RIMBP2: variants seen among roughly 807,000 people sequenced by gnomAD.
RIMBP2 encodes the protein RIMS-binding protein 2.
RIMBP2 carries 48 observed loss-of-function variants against 118.6 expected under a neutral mutation model. The ratio of observed to expected loss-of-function variants is 0.40; its 90% CI spans 0.32 to 0.51. RIMBP2 has a LOEUF of 0.51. RIMBP2 is among the 20% of genes least tolerant of loss of function. The pLI, the probability that RIMBP2 is intolerant of heterozygous loss-of-function variation, is 0.41. For synonymous variants in RIMBP2, 762 were observed against 742.9 expected (o/e 1.03, Z -0.42); for missense variants, 1,551 against 1,768.3 (o/e 0.88, Z 2.20).
chr12:130,593,943 C>T (rs972021785), intron 2 of RIMBP2, among the ~76,000 whole-genome samples: 5 of 152,128 alleles, frequency 3.3e-5, no homozygotes, highest in African/African-American at 7.2e-5. Flanking sequence ...TGGTGGTTTG[C>T]GTTACAATGT....
intron 15 of RIMBP2, chr12:130,426,192 A>T (rs1221509672): frequency 6.6e-6 from 1 of 152,266 alleles, no homozygotes; most frequent in Non-Finnish European, 1.5e-5. Context: ...GCCACGTGAG[A>T]ACGTGTGCGC....
At chr12:130,645,564 T>A (rs117173226) in intron 1 of RIMBP2, among the ~76,000 whole-genome samples, 1 of 152,144 alleles carries the variant, frequency 6.6e-6, no homozygotes, top group Non-Finnish European at 1.5e-5. Flanking sequence ...AACTTTAGGA[T>A]TGGAGAAAGT....
chr12:130,613,088 G>A (rs1182994740), intron 2 of RIMBP2, among the ~76,000 whole-genome samples: 1 of 152,204 alleles, frequency 6.6e-6, no homozygotes, highest in Admixed American at 6.5e-5. Context: ...AGGATGACTA[G>A]GTGACATTTT....
Position 130,583,588 on chromosome 12 carries a change from TC to T in RIMBP2, c.-217+44733del, listed in dbSNP as rs555423897. Among the ~76,000 whole-genome samples the T allele has an allele frequency of 2.5e-3, 370 of 149,822 alleles. 1 individual carries two copies. Among genetic ancestry groups the T allele is most frequent in the Middle Eastern group, 7.1e-3 (2 of 280 alleles). On this transcript the variant is annotated intron_variant, in intron 2 of 22. Coordinates refer to ENST00000690449, the MANE Select transcript of RIMBP2 (RefSeq NM_001393629.1). Reference sequence around the variant, plus strand: ...CCACCATCACCTCATCACCGTTTCATCATCATCATTACCTTCATCACTAACA... The same window carrying T: ...CCACCATCACCTCATCACCGTTTCATATCATCATTACCTTCATCACTAACA...
chr12:130,503,045 G>C (rs2049950893), intron 4 of RIMBP2, among the ~76,000 whole-genome samples: 1 of 152,032 alleles, frequency 6.6e-6, no homozygotes, highest in Non-Finnish European at 1.5e-5. Flanking sequence ...AAATTCCATA[G>C]ACCAGGAATG....
chr12:130,521,692 G>A (rs193119542), intron 2 of RIMBP2, among the ~76,000 whole-genome samples: 1 of 152,294 alleles, frequency 6.6e-6, no homozygotes, highest in East Asian at 1.9e-4. Flanking sequence ...ACACTGCTGG[G>A]ACCCTGACGG....
intron 2 of RIMBP2, among the ~76,000 whole-genome samples, chr12:130,531,229 T>G: frequency 6.6e-6 from 1 of 152,156 alleles, no homozygotes; most frequent in East Asian, 1.9e-4. Flanking sequence ...AAATCATAGG[T>G]GTACAACTCC....
intron 1 of RIMBP2, among the ~76,000 whole-genome samples, chr12:130,680,297 G>A (rs925530435): frequency 1.3e-5 from 2 of 152,236 alleles, no homozygotes; most frequent in East Asian, 1.9e-4. Context: ...ATGGCGTTGA[G>A]GATGACTTGG....
intron 9 of RIMBP2, among the ~76,000 whole-genome samples, 160 bp from the exon 10 acceptor site, chr12:130,445,429 A>C (rs2078446730): frequency 6.6e-6 from 1 of 152,118 alleles, no homozygotes; most frequent in Non-Finnish European, 1.5e-5. Flanking sequence ...TGTACACTGG[A>C]AATTCAAGCC....
intron 2 of RIMBP2, among the ~76,000 whole-genome samples, chr12:130,535,718 CATAT>C (rs1305382717): frequency 2.4e-4 from 21 of 87,864 alleles, no homozygotes; most frequent in African/African-American, 7.3e-4. Flanking sequence ...TATACATATA[CATAT>C]ATATACATAT....
chr12:130,569,628 T>A (rs1440052409), intron 2 of RIMBP2, among the ~76,000 whole-genome samples: 1 of 152,216 alleles, frequency 6.6e-6, no homozygotes, highest in Non-Finnish European at 1.5e-5. Flanking sequence ...GGAGCTATTC[T>A]CCTGATAGTG....
In RIMBP2 at chr12:130,428,224, A is replaced by C; in HGVS notation, c.2367T>G (p.Asp789Glu). 1.2e-6 allele frequency: 2 copies of C among 1,613,050 alleles called. No homozygotes were observed. Among genetic ancestry groups the C allele is most frequent in the South Asian group, 2.2e-5 (2 of 90,836 alleles). The change falls in exon 15 of 23, where the codon GAT becomes GAG. Residue 789 changes from aspartate (D) to glutamate (E), a missense_variant. Asp to Glu is a conservative substitution (Grantham distance 45). Coordinates refer to ENST00000690449, the MANE Select transcript of RIMBP2 (RefSeq NM_001393629.1). ...TGCCGCTGGGCCGCCTCCTTCCCCC[A>C]TCTTCCAGCTGCATTTCAGAATACA... is the stretch of plus-strand genomic sequence containing the variant. ...EELYSEMQLE[D>E]GGRRRPSGTS...
chr12:130,414,101 C>T (rs377065206), intron 18 of RIMBP2, 24 bp downstream of exon 18: 31 of 1,613,024 alleles, frequency 1.9e-5, no homozygotes, highest in Non-Finnish European at 2.6e-5. Context: ...CTGATGAAGC[C>T]GCCCGCAGGC....
chr12:130,638,805 G>T (rs2141013121), intron 1 of RIMBP2, among the ~76,000 whole-genome samples: 1 of 152,232 alleles, frequency 6.6e-6, no homozygotes, highest in South Asian at 2.1e-4. Context: ...TGAGCAGCAG[G>T]GAGGGAATAA....
chr12:130,588,063 T>C (rs2059026872), intron 2 of RIMBP2, among the ~76,000 whole-genome samples: 1 of 152,092 alleles, frequency 6.6e-6, no homozygotes, highest in African/African-American at 2.4e-5. Flanking sequence ...TTCCTGCTCC[T>C]GAGCCTTGGA....
At chr12:130,489,671 C>A (rs1017585010) in intron 4 of RIMBP2, among the ~76,000 whole-genome samples, 1 of 152,184 alleles carries the variant, frequency 6.6e-6, no homozygotes, top group African/African-American at 2.4e-5. Flanking sequence ...GCCAGGTTCA[C>A]AATGCAGCCA....
intron 2 of RIMBP2, among the ~76,000 whole-genome samples, chr12:130,537,711 G>A (rs1471053748): frequency 6.6e-6 from 1 of 152,160 alleles, no homozygotes; most frequent in East Asian, 1.9e-4. Flanking sequence ...AAATTGCAAA[G>A]GAAACTCTCG....
intron 1 of RIMBP2, among the ~76,000 whole-genome samples, chr12:130,713,329 TCAC>T (rs1315013250): frequency 2.0e-5 from 3 of 151,284 alleles, no homozygotes; most frequent in South Asian, 4.2e-4. Flanking sequence ...GGCACCAGCA[TCAC>T]CAACAAGAGA....
At chr12:130,615,272 C>CATAT (rs1555309104) in intron 2 of RIMBP2, among the ~76,000 whole-genome samples, 9 of 38,790 alleles carry the variant, frequency 2.3e-4, no homozygotes, top group Non-Finnish European at 3.7e-4. Flanking sequence ...ACATAATACA[C>CATAT]ATACATATAT....
Sources: allele counts gnomAD v4.1 joint callset (sites outside exome capture counted in the v4.1 genomes callset), GRCh38; gene constraint gnomAD v4.1.1; transcripts MANE v1.5; gene names NCBI Gene and HGNC (gene_info 2026-07-23, HGNC 2026-07-21).